Variants in ATP1A2 observed in about 807,000 individuals in gnomAD.
The protein encoded by ATP1A2 is sodium/potassium-transporting ATPase subunit alpha-2.
A neutral mutation model predicts 113.1 loss-of-function variants in ATP1A2; 56 were observed. The ratio of observed to expected loss-of-function variants is 0.49; its 90% confidence interval spans 0.40 to 0.62. The LOEUF (loss-of-function observed/expected upper bound fraction) is 0.62. Ranked by LOEUF, ATP1A2 falls within the 20% of genes least tolerant of loss-of-function variation. The pLI, the probability that ATP1A2 is intolerant of heterozygous loss-of-function variation, is 0.00. For synonymous variants in ATP1A2, 490 were observed against 526.8 expected (o/e 0.93, Z 0.96); for missense variants, 712 against 1,357.8 (o/e 0.52, Z 7.47).
intron 14 of ATP1A2, 113 bp downstream of exon 14, chr1:160,134,733 T>C: frequency 1.4e-6 from 2 of 1,451,988 alleles, no homozygotes; most frequent in Non-Finnish European, 1.9e-6. Flanking sequence ...TTATAGGCCT[T>C]ACCTCTGACA....
chr1:160,128,872 G>T lies in ATP1A2; in HGVS notation c.1216+22G>T, dbSNP rs1316161501. ...TCTGGTGATTGGGTGCTCCAGAGGG[G>T]GTGGATAGGATTAGAGGAGGCTGAG... On this transcript the variant is annotated intron_variant, in intron 9 of 22. Coordinates refer to ENST00000361216, the MANE Select transcript of ATP1A2 (RefSeq NM_000702.4). 3.7e-6 allele frequency: 6 copies of T among 1,613,784 alleles called. No homozygotes were observed. In the South Asian group the frequency reaches 5.5e-5, roughly 15 times the overall value.
In ATP1A2 at chr1:160,123,225, C is replaced by T; in HGVS notation, c.190C>T (p.Gln64Ter). The change falls in exon 4 of 23, where the codon CAG becomes TAG. Residue 64 changes from glutamine to a stop codon, truncating the protein, a stop_gained. Coordinates refer to ENST00000361216, the MANE Select transcript of ATP1A2 (RefSeq NM_000702.4). LOFTEE classifies it high-confidence loss of function. ...CTTGCTCCCTCAGGGCCTCACCAACCAGCGGGCTCAGGACGTTCTGGCTCG... is the reference window on the plus strand; with the variant it reads ...CTTGCTCCCTCAGGGCCTCACCAACTAGCGGGCTCAGGACGTTCTGGCTCG... The part of the protein sequence containing the change: ...QVDLSKGLTN[Q>*]RAQDVLARDG... 2 of 1,614,216 alleles carry T rather than the reference C, an allele frequency of 1.2e-6. No individual in the cohort carries two copies. Among genetic ancestry groups the T allele is most frequent in the South Asian group, 1.1e-5 (1 of 91,086 alleles).
intron 22 of ATP1A2, among the ~76,000 whole-genome samples, chr1:160,140,349 C>T (rs755397052): frequency 2.0e-5 from 3 of 152,136 alleles, no homozygotes; most frequent in Non-Finnish European, 4.4e-5. Flanking sequence ...CAAAGAATAG[C>T]AGGACTGGTA....
At chr1:160,133,488 C>G (rs555899594) in intron 13 of ATP1A2, among the ~76,000 whole-genome samples, 3 of 152,100 alleles carry the variant, frequency 2.0e-5, no homozygotes, top group African/African-American at 7.2e-5. Context: ...TGCCAGCCAC[C>G]CTCCCCATCC....
At chr1:160,124,521 A>C in intron 6 of ATP1A2, 91 bp downstream of exon 6, 1 of 1,541,904 alleles carries the variant, frequency 6.5e-7, no homozygotes, top group African/African-American at 1.4e-5. Context: ...AAAGGTGGAG[A>C]GACCCAGGTC....
intron 10 of ATP1A2, 78 bp from the exon 11 acceptor site, chr1:160,129,188 G>A (rs1651688785): frequency 6.2e-7 from 1 of 1,611,242 alleles, no homozygotes; most frequent in Non-Finnish European, 8.5e-7. Context: ...CTGCCTTGGG[G>A]GTTTCAGTGC....
intron 18 of ATP1A2, 96 bp from the exon 19 acceptor site, chr1:160,136,474 C>A: frequency 1.2e-6 from 2 of 1,612,716 alleles, no homozygotes; most frequent in Non-Finnish European, 1.7e-6. Context: ...GGCCAGCTAC[C>A]CAAGGGTCAG....
At chr1:160,125,381 G>T in intron 7 of ATP1A2, 128 bp downstream of exon 7, 3 of 852,612 alleles carry the variant, frequency 3.5e-6, no homozygotes, top group Non-Finnish European at 5.8e-6. Context: ...GGGTCAGGGG[G>T]CCCTGAATAT....
At position 160,137,032 on chromosome 1, in the gene ATP1A2, G is replaced by A; in HGVS notation, c.2840+1G>A. Reference sequence around the variant, plus strand: ...ACTCAGTCTTCCAGCAGGGCATGAAGTGAGTGCCCACCCCCATGGCACCTA... The same window carrying A: ...ACTCAGTCTTCCAGCAGGGCATGAAATGAGTGCCCACCCCCATGGCACCTA... On this transcript the variant is annotated splice_donor_variant, in intron 20 of 22. Coordinates refer to ENST00000361216, the MANE Select transcript of ATP1A2 (RefSeq NM_000702.4). LOFTEE classifies it high-confidence loss of function. 6.2e-7 allele frequency: 1 copy of A among 1,614,154 alleles called. No individual in the cohort carries two copies. Among genetic ancestry groups the A allele is most frequent in the East Asian group, 2.2e-5 (1 of 44,876 alleles).
intron 13 of ATP1A2, among the ~76,000 whole-genome samples, chr1:160,132,838 T>G (rs1009854059): frequency 1.3e-5 from 2 of 152,038 alleles, no homozygotes; most frequent in African/African-American, 2.4e-5. Context: ...GTATGTTGTA[T>G]TATATTGCCC....
At chr1:160,132,973 T>G (rs929211605) in intron 13 of ATP1A2, among the ~76,000 whole-genome samples, 14 of 152,110 alleles carry the variant, frequency 9.2e-5, no homozygotes, top group African/African-American at 3.4e-4. Flanking sequence ...TTAATCTTCA[T>G]GACCACCTAG....
rs570045556 is a variant in ATP1A2, at chr1:160,135,362, G to A, written c.2115+67G>A. On this transcript the variant is annotated intron_variant, in intron 15 of 22. Transcript: ENST00000361216. This position sits in a 1 kb window ranked among gnomAD's most constrained non-coding sequence, Gnocchi z 6.3. ...GGAGGCAGGGACAGGGCCAAGACAA[G>A]CATGGAGTGAGAGGCGAGGAGCCAG... 4.3e-6 allele frequency: 7 copies of A among 1,614,232 alleles called. No homozygotes were observed. In the East Asian group the frequency reaches 8.9e-5, roughly 21 times the overall value.
At chr1:160,119,682 G>A (rs1651315890) in intron 1 of ATP1A2, among the ~76,000 whole-genome samples, 1 of 152,064 alleles carries the variant, frequency 6.6e-6, no homozygotes, top group African/African-American at 2.4e-5. Context: ...GCCCTGGAGT[G>A]GAAGGGAAAT....
chr1:160,130,221 C>G lies in ATP1A2; in HGVS notation c.1581C>G (p.Leu527=), dbSNP rs371520433. The G allele has an allele frequency of 1.2e-4, 186 of 1,614,048 alleles. No individual in the cohort carries two copies. Among genetic ancestry groups the G allele is most frequent in the Non-Finnish European group, 1.5e-4 (175 of 1,180,038 alleles). ...TGGTGCAGGGCAAGGAGATCCCGCT[C>G]GACAAGGAGATGCAAGATGCCTTTC... ...TILVQGKEIP[L]DKEMQDAFQN... Residue 527 remains leucine (L), a synonymous_variant, in exon 12 of 23, where the codon CTC becomes CTG. Coordinates refer to ENST00000361216, the MANE Select transcript of ATP1A2 (RefSeq NM_000702.4).
chr1:160,116,824 G>A (rs1031929893), intron 1 of ATP1A2, among the ~76,000 whole-genome samples: 1 of 152,162 alleles, frequency 6.6e-6, no homozygotes, highest in Non-Finnish European at 1.5e-5. Context: ...GGCCCAGGAG[G>A]AGTCAGGCAA....
At chr1:160,121,658 T>C (rs985693488) in intron 3 of ATP1A2, among the ~76,000 whole-genome samples, 6 of 152,238 alleles carry the variant, frequency 3.9e-5, no homozygotes, top group Non-Finnish European at 7.3e-5. Flanking sequence ...TGTGACATTG[T>C]GATAGATGCG....
chr1:160,129,150 C>G, intron 10 of ATP1A2, 61 bp downstream of exon 10: 1 of 1,606,838 alleles, frequency 6.2e-7, no homozygotes, highest in Non-Finnish European at 8.5e-7. Context: ...CTCTTGCTGG[C>G]CCCAGCTTTC....
rs1409803053 is a variant in ATP1A2, at chr1:160,136,718, G to A, written c.2709+3G>A. On this transcript the variant is annotated splice_donor_region_variant and intron_variant, in intron 19 of 22. Transcript: ENST00000361216. ...AGGACAGCTATGGACAGGAGTGGGT[G>A]AGTGGTGCTGTGTAAACACAGCGCA... The A allele has an allele frequency of 1.4e-5, 22 of 1,614,092 alleles. No homozygotes were observed. Among genetic ancestry groups the A allele is most frequent in the Middle Eastern group, 1.6e-4 (1 of 6,084 alleles).
At position 160,135,069 on chromosome 1, in the gene ATP1A2, T is replaced by C. The variant is rs1570993741; in HGVS notation, c.1965-76T>C. 1 of 1,597,650 alleles carries C rather than the reference T, an allele frequency of 6.3e-7. No homozygotes were observed. Among genetic ancestry groups the C allele is most frequent in the Non-Finnish European group, 8.6e-7 (1 of 1,169,284 alleles). On this transcript the variant is annotated intron_variant, in intron 14 of 22. Transcript: ENST00000361216. The surrounding 1 kb of genome is among the most constrained non-coding windows in gnomAD (Gnocchi z 6.3). Reference sequence around the variant, plus strand: ...GCAGGGAGCCTGCAGGCTGCGGTGGTGAAGAGAGGCAGGGGGCAGGAGGGG... The same window carrying C: ...GCAGGGAGCCTGCAGGCTGCGGTGGCGAAGAGAGGCAGGGGGCAGGAGGGG...
Sources: allele counts gnomAD v4.1 joint callset (sites outside exome capture counted in the v4.1 genomes callset), GRCh38; gene constraint gnomAD v4.1.1; non-coding constraint Gnocchi (gnomAD v3.1); transcripts MANE v1.5; gene names NCBI Gene and HGNC (gene_info 2026-07-23, HGNC 2026-07-21).